Variants in HACE1 observed in about 807,000 individuals in gnomAD.
HACE1 encodes the protein HECT domain and ankyrin repeat containing E3 ubiquitin protein ligase 1.
In HACE1, 73 loss-of-function variants were observed where a neutral mutation model predicts 118.4. The ratio of observed to expected loss-of-function variants is 0.62; its 90% CI spans 0.51 to 0.75. The LOEUF (loss-of-function observed/expected upper bound fraction) is 0.75, where lower values mean the gene tolerates loss of function less well. HACE1 is among the 30% of genes least tolerant of loss of function. HACE1 has a pLI of 0.00. For missense variants in HACE1, 749 were observed against 1,102.2 expected (o/e 0.68, Z 4.54); for synonymous variants, 368 against 374.8 (o/e 0.98, Z 0.21).
At chr6:104,759,498 C>T (rs1033743601) in intron 19 of HACE1, among the ~76,000 whole-genome samples, 17 of 151,970 alleles carry the variant, frequency 1.1e-4, no homozygotes, top group African/African-American at 4.1e-4. Context: ...TATCTGAAAC[C>T]AATGAGAACA....
At chr6:104,811,430 G>C in intron 6 of HACE1, 37 bp from the exon 7 acceptor site, 1 of 972,764 alleles carries the variant, frequency 1.0e-6, no homozygotes, top group Non-Finnish European at 1.7e-6. Context: ...AAAGCCAGAG[G>C]AATCAAACAA....
chr6:104,806,568 C>G (rs752962543), intron 7 of HACE1, among the ~76,000 whole-genome samples: 15 of 152,050 alleles, frequency 9.9e-5, no homozygotes, highest in Non-Finnish European at 1.9e-4. Flanking sequence ...GCTCAAGTGC[C>G]TCACCTGTAA....
At chr6:104,853,921 G>A (rs1228559319) in intron 1 of HACE1, among the ~76,000 whole-genome samples, 1 of 151,902 alleles carries the variant, frequency 6.6e-6, no homozygotes, top group Admixed American at 6.6e-5. Context: ...TTTATAAATT[G>A]GGCACAGTAA....
chr6:104,782,761 C>T (rs62419356), intron 14 of HACE1, among the ~76,000 whole-genome samples: 37,113 of 151,996 alleles, frequency 0.24, 4,881 homozygotes, highest in African/African-American at 0.35. Flanking sequence ...CAAAAGATCC[C>T]TCTATATAGT....
chr6:104,845,533 A>G (rs1775577283), intron 4 of HACE1, among the ~76,000 whole-genome samples: 1 of 147,130 alleles, frequency 6.8e-6, no homozygotes, highest in African/African-American at 2.5e-5. Flanking sequence ...GCTGGAGTAC[A>G]GTGGCACGAT....
chr6:104,781,297 T>C (rs1215786805), intron 14 of HACE1, among the ~76,000 whole-genome samples: 2 of 152,288 alleles, frequency 1.3e-5, no homozygotes, highest in African/African-American at 2.4e-5. Flanking sequence ...ATTCAAGCTG[T>C]CTTCCGAGTC....
At chr6:104,746,576 T>C (rs1172690581) in intron 20 of HACE1, among the ~76,000 whole-genome samples, 2 of 152,190 alleles carry the variant, frequency 1.3e-5, no homozygotes, top group Non-Finnish European at 2.9e-5. Context: ...CCCTCCTTGG[T>C]GGTTCAGGCT....
intron 6 of HACE1, among the ~76,000 whole-genome samples, chr6:104,826,219 G>C (rs1431943546): frequency 1.3e-5 from 2 of 152,158 alleles, no homozygotes; most frequent in East Asian, 1.9e-4. Flanking sequence ...CTGGGCCCTA[G>C]TGCCAAAAAG....
At chr6:104,736,984 C>T (rs367814736) in intron 22 of HACE1, among the ~76,000 whole-genome samples, 3 of 152,102 alleles carry the variant, frequency 2.0e-5, no homozygotes, top group African/African-American at 4.8e-5. Context: ...ATAAAAAACA[C>T]AGTTTTTAAA....
intron 6 of HACE1, among the ~76,000 whole-genome samples, chr6:104,826,301 C>A (rs978251867): frequency 6.6e-6 from 1 of 152,082 alleles, no homozygotes; most frequent in African/African-American, 2.4e-5. Flanking sequence ...ATGAACAAAA[C>A]AGACAAAAAA....
At chr6:104,780,701 A>T (rs754260004) in intron 14 of HACE1, among the ~76,000 whole-genome samples, 20 of 152,218 alleles carry the variant, frequency 1.3e-4, no homozygotes, top group Non-Finnish European at 2.4e-4. Flanking sequence ...AACAACCATC[A>T]AAATCAGAAA....
At chr6:104,758,774 C>G (rs1779002830) in intron 19 of HACE1, among the ~76,000 whole-genome samples, 1 of 151,948 alleles carries the variant, frequency 6.6e-6, no homozygotes, top group Non-Finnish European at 1.5e-5. Context: ...AGAGTCAAGA[C>G]CCATCAGTGT....
At chr6:104,858,031 G>C (rs1202785634) in intron 1 of HACE1, among the ~76,000 whole-genome samples, 1 of 151,812 alleles carries the variant, frequency 6.6e-6, no homozygotes, top group African/African-American at 2.4e-5. Flanking sequence ...TAACTTGTTA[G>C]GGAGGGAAAA....
intron 6 of HACE1, among the ~76,000 whole-genome samples, chr6:104,822,032 A>C (rs1772774675): frequency 6.6e-6 from 1 of 151,896 alleles, no homozygotes; most frequent in Admixed American, 6.6e-5. Context: ...ACATAGTGAG[A>C]CCACCATTTC....
chr6:104,837,016 T>C (rs979410135), intron 5 of HACE1, among the ~76,000 whole-genome samples: 1 of 152,222 alleles, frequency 6.6e-6, no homozygotes, highest in African/African-American at 2.4e-5. Context: ...AGTGTGGAGA[T>C]ATACTGTGTT....
chr6:104,784,069 TGAA>T lies in HACE1; in HGVS notation c.1566+14_1566+16del. ...AATTTCATTAGATAGAATAAAAAGA[TGAA>T]GAAAAATTTCTACCTGTGCTTTTAT... is the stretch of plus-strand genomic sequence containing the variant. On this transcript the variant is annotated intron_variant, in intron 14 of 23. Transcript: ENST00000262903. 1 of 1,309,844 alleles carries T rather than the reference TGAA, an allele frequency of 7.6e-7. No homozygotes were observed. The highest frequency in any genetic ancestry group is 1.1e-6 in the Non-Finnish European group (1 of 902,702). 81.1% of individuals were successfully genotyped at this position (1,309,844 alleles called of 1,614,324 possible). A position where few individuals can be genotyped will look rare whatever the true frequency, so the allele number is the denominator to read the frequency against.
At chr6:104,783,973 C>T (rs1782049388) in intron 14 of HACE1, 113 bp downstream of exon 14, 12 of 701,766 alleles carry the variant, frequency 1.7e-5, no homozygotes, top group Non-Finnish European at 1.5e-5. Context: ...AACATGCAAT[C>T]ATTCCTCTTA....
intron 2 of HACE1, 105 bp downstream of exon 2, chr6:104,852,212 T>TGA: frequency 1.4e-6 from 1 of 696,986 alleles, no homozygotes; most frequent in African/African-American, 2.1e-5. Context: ...TGTGTGTGTG[T>TGA]GTGTGTGTGT....
chr6:104,833,491 T>C (rs1774210178), intron 5 of HACE1, among the ~76,000 whole-genome samples: 1 of 152,128 alleles, frequency 6.6e-6, no homozygotes, highest in Non-Finnish European at 1.5e-5. Flanking sequence ...AATTAGGTTT[T>C]ATATGAGGAA....
Sources: gnomAD v4.1 joint callset for allele counts (sites outside exome capture counted in the v4.1 genomes callset) on GRCh38, gnomAD v4.1.1 for gene constraint, MANE v1.5 for transcripts, NCBI Gene and HGNC (gene_info 2026-07-23, HGNC 2026-07-21) for gene names.